Variants in DCC observed in about 807,000 individuals in gnomAD.
The protein encoded by DCC is DCC netrin 1 receptor, also known as netrin receptor DCC.
DCC carries 58 observed loss-of-function variants against 172.5 expected under a neutral mutation model. The observed-to-expected ratio is 0.34, with a 90% confidence interval of 0.27 to 0.42. The LOEUF (loss-of-function observed/expected upper bound fraction) is 0.42. Ranked by LOEUF, DCC falls within the 10% of genes least tolerant of loss-of-function variation. DCC has a pLI of 1.00. For missense variants in DCC, 1,740 were observed against 1,791.0 expected, an observed-to-expected ratio of 0.97 and a Z score of 0.51; for synonymous variants, 709 against 644.5, an observed-to-expected ratio of 1.10 and a Z score of -1.52.
intron 1 of DCC, among the ~76,000 whole-genome samples, chr18:52,563,292 A>T (rs1183232932): frequency 6.6e-6 from 1 of 152,180 alleles, no homozygotes; most frequent in Non-Finnish European, 1.5e-5. Context: ...ACTCATAAAC[A>T]TAGGTATTAG....
At chr18:52,584,125 A>G (rs1426042972) in intron 1 of DCC, among the ~76,000 whole-genome samples, 1 of 152,210 alleles carries the variant, frequency 6.6e-6, no homozygotes, top group Non-Finnish European at 1.5e-5. Flanking sequence ...TTTCCCAGTG[A>G]AAATACCAGC....
chr18:52,568,084 G>T (rs1316672160), intron 1 of DCC, among the ~76,000 whole-genome samples: 1 of 152,052 alleles, frequency 6.6e-6, no homozygotes, highest in Non-Finnish European at 1.5e-5. Flanking sequence ...TTAGTACTTG[G>T]GGGGTGCACT....
At position 52,926,955 on chromosome 18, in the gene DCC, C is replaced by A. The variant is rs1401864892; in HGVS notation, c.985+1585C>A. On this transcript the variant is annotated intron_variant, in intron 5 of 28. Coordinates refer to ENST00000442544, the MANE Select transcript of DCC (RefSeq NM_005215.4). ...TATATAAACGTATATGATATATACACTATATATGGATATATATACATATAT... is the reference window on the plus strand; with the variant it reads ...TATATAAACGTATATGATATATACAATATATATGGATATATATACATATAT... 1.8e-3 allele frequency among the ~76,000 whole-genome samples: 253 copies of A among 138,024 alleles called. 1 individual carries two copies. Among genetic ancestry groups the A allele is most frequent in the Non-Finnish European group, 3.3e-3 (210 of 63,480 alleles). The allele number at this position is 138,024 out of a possible 152,430, so 90.5% of individuals were successfully genotyped here.
intron 1 of DCC, among the ~76,000 whole-genome samples, chr18:52,353,799 C>T (rs957320456): frequency 2.0e-5 from 3 of 152,124 alleles, no homozygotes; most frequent in African/African-American, 7.2e-5. Flanking sequence ...ACTAGTGTTC[C>T]TCCTGGGGAG....
chr18:52,969,639 GTCTC>G (rs749335736), intron 5 of DCC, among the ~76,000 whole-genome samples: 24 of 134,748 alleles, frequency 1.8e-4, no homozygotes, highest in Admixed American at 3.2e-4. Context: ...GACTCTCTGT[GTCTC>G]TCTCTCTCTT....
intron 12 of DCC, among the ~76,000 whole-genome samples, chr18:53,302,446 G>A (rs1470090766): frequency 6.6e-6 from 1 of 151,652 alleles, no homozygotes; most frequent in Non-Finnish European, 1.5e-5. Flanking sequence ...CACATAAATG[G>A]AATTAAACAG....
intron 1 of DCC, among the ~76,000 whole-genome samples, chr18:52,490,146 G>C (rs1267594812): frequency 6.6e-6 from 1 of 151,998 alleles, no homozygotes; most frequent in African/African-American, 2.4e-5. Flanking sequence ...TGCCCCACTA[G>C]AGGCTAAAAG....
At chr18:52,775,243 AT>A (rs2037408885) in intron 2 of DCC, among the ~76,000 whole-genome samples, 1 of 152,080 alleles carries the variant, frequency 6.6e-6, no homozygotes, top group Non-Finnish European at 1.5e-5. Flanking sequence ...CTAGGGGAGC[AT>A]ACAGATGGGC....
intron 1 of DCC, among the ~76,000 whole-genome samples, chr18:52,403,839 AG>A (rs1986533543): frequency 6.6e-6 from 1 of 152,098 alleles, no homozygotes; most frequent in East Asian, 1.9e-4. Context: ...TGCTCTTAAA[AG>A]CAGGCCTTCT....
intron 5 of DCC, among the ~76,000 whole-genome samples, chr18:53,018,243 T>G (rs1329351816): frequency 6.6e-6 from 1 of 152,188 alleles, no homozygotes; most frequent in African/African-American, 2.4e-5. Flanking sequence ...CACCAACTCC[T>G]GTATATAAAA....
chr18:53,205,045 G>A (rs752721378), intron 9 of DCC, among the ~76,000 whole-genome samples, 171 bp from the exon 10 acceptor site: 5 of 151,974 alleles, frequency 3.3e-5, no homozygotes, highest in Admixed American at 2.0e-4. Flanking sequence ...AAAATGAAGC[G>A]ATTCTAAAGC....
chr18:53,064,196 T>C (rs1020005447), intron 6 of DCC, among the ~76,000 whole-genome samples: 7 of 152,152 alleles, frequency 4.6e-5, no homozygotes, highest in Admixed American at 4.6e-4. Context: ...CTGGTACACA[T>C]GGAGTGCTCA....
At chr18:52,849,809 C>A (rs1031957523) in intron 2 of DCC, among the ~76,000 whole-genome samples, 1 of 152,060 alleles carries the variant, frequency 6.6e-6, no homozygotes, top group Non-Finnish European at 1.5e-5. Context: ...GTGAAATGAA[C>A]TTTTGATTTC....
intron 7 of DCC, among the ~76,000 whole-genome samples, chr18:53,138,754 C>A (rs939260934): frequency 1.3e-5 from 2 of 152,026 alleles, no homozygotes; most frequent in African/African-American, 4.8e-5. Context: ...AACAATATAC[C>A]CTTGGGTTTA....
chr18:52,662,358 A>G (rs980661103), intron 1 of DCC, among the ~76,000 whole-genome samples: 6 of 152,158 alleles, frequency 3.9e-5, no homozygotes, highest in Non-Finnish European at 7.3e-5. Flanking sequence ...AAACAATCCA[A>G]TAAGGATATG....
chr18:53,381,808 C>T (rs1460081875), intron 15 of DCC, among the ~76,000 whole-genome samples: 1 of 151,748 alleles, frequency 6.6e-6, no homozygotes, highest in East Asian at 1.9e-4. Flanking sequence ...TTGTATTTTC[C>T]AGGACAGGAA....
intron 1 of DCC, among the ~76,000 whole-genome samples, chr18:52,720,304 G>T (rs919026674): frequency 6.6e-6 from 1 of 152,058 alleles, no homozygotes; most frequent in East Asian, 1.9e-4. Context: ...AACAAAGGGG[G>T]TTTTACTTGA....
At chr18:52,833,472 G>A (rs926021791) in intron 2 of DCC, among the ~76,000 whole-genome samples, 8 of 151,976 alleles carry the variant, frequency 5.3e-5, no homozygotes, top group African/African-American at 1.2e-4. Context: ...ATGACATTGA[G>A]TATTTTTTTT....
At position 53,336,381 on chromosome 18, in the gene DCC, A is replaced by T. The variant is rs182352622; in HGVS notation, c.2165-3332A>T. Among the ~76,000 whole-genome samples, 6 of 152,306 alleles carry T rather than the reference A, an allele frequency of 3.9e-5. No individual in the cohort carries two copies. In the East Asian group the frequency reaches 9.6e-4, roughly 24 times the overall value. ...ATCACTCAGGTAGCATAAAAGGAAA[A>T]TTGTTATTTCTGCCTTTGTATTAAG... is the stretch of plus-strand genomic sequence containing the variant. On this transcript the variant is annotated intron_variant, in intron 14 of 28. Transcript: ENST00000442544.
Sources: gnomAD v4.1 joint callset for allele counts (sites outside exome capture counted in the v4.1 genomes callset) on GRCh38, gnomAD v4.1.1 for gene constraint, MANE v1.5 for transcripts, NCBI Gene and HGNC (gene_info 2026-07-23, HGNC 2026-07-21) for gene names.